A4GALT: variants seen among roughly 807,000 people sequenced by gnomAD.
A4GALT encodes the protein lactosylceramide 4-alpha-galactosyltransferase.
For missense variants in A4GALT, 512 were observed against 486.0 expected (o/e 1.05, Z -0.50); for synonymous variants, 257 against 220.7 (o/e 1.16, Z -1.46).
chr22:42,697,261 G>A (rs1390481059), intron 1 of A4GALT, among the ~76,000 whole-genome samples: 1 of 79,406 alleles, frequency 1.3e-5, no homozygotes, highest in Non-Finnish European at 2.8e-5. Context: ...TGTGTAGATC[G>A]CTGTGTGACC....
Position 42,703,106 on chromosome 22 carries a change from C to CTGTGTGTGTGTGTGTGTGTGTGTGTGTG in A4GALT, c.-187-7503_-187-7476dup, listed in dbSNP as rs3985930. 4.7e-3 allele frequency among the ~76,000 whole-genome samples: 627 copies of CTGTGTGTGTGTGTGTGTGTGTGTGTGTG among 134,032 alleles called. 13 individuals carry two copies. The highest frequency in any genetic ancestry group is 0.018 in the African/African-American group (575 of 31,722). The allele number at this position is 134,032 out of a possible 152,430, so 87.9% of individuals were successfully genotyped here. On this transcript the variant is annotated intron_variant, in intron 1 of 2. Coordinates refer to ENST00000642412, the MANE Select transcript of A4GALT (RefSeq NM_017436.7). ...GTGTGAGAGAGAGCATGCTGCCCCA[C>CTGTGTGTGTGTGTGTGTGTGTGTGTGTG]TGTGTGTGTGTGTGTGTGTGTGTGT... is the stretch of plus-strand genomic sequence containing the variant.
chr22:42,692,586 T>C lies in A4GALT; in HGVS notation c.*304A>G. The C allele has an allele frequency of 1.9e-6, 1 of 526,788 alleles. No individual in the cohort carries two copies. The highest frequency in any genetic ancestry group is 3.7e-6 in the Non-Finnish European group (1 of 272,568). The allele number at this position is 526,788 out of a possible 1,614,324, so 32.6% of individuals were successfully genotyped here. A position where few individuals can be genotyped will look rare whatever the true frequency, so the allele number is the denominator to read the frequency against. ...GCACCTCTGTCCCAACTGCCTGGCT[T>C]TCCGCACCACCTGGGGGTGCCCTGA... On this transcript the variant is annotated 3_prime_UTR_variant, in exon 3 of 3. Transcript: ENST00000642412. This position sits in a 1 kb window ranked among gnomAD's most constrained non-coding sequence, Gnocchi z 4.6.
chr22:42,705,327 G>A (rs574127439), intron 1 of A4GALT, among the ~76,000 whole-genome samples: 2 of 152,290 alleles, frequency 1.3e-5, no homozygotes, highest in South Asian at 2.1e-4. Context: ...ACAGCCGGGC[G>A]CAATGGCTCA....
At chr22:42,696,756 G>A (rs1569036497) in intron 1 of A4GALT, among the ~76,000 whole-genome samples, 6 of 151,854 alleles carry the variant, frequency 4.0e-5, no homozygotes, top group Middle Eastern at 3.4e-3. Flanking sequence ...GATCCACTGG[G>A]CCCCATGTGT....
chr22:42,701,441 C>T (rs922854039), intron 1 of A4GALT, among the ~76,000 whole-genome samples: 1 of 152,184 alleles, frequency 6.6e-6, no homozygotes, highest in Admixed American at 6.5e-5. Flanking sequence ...TCCAGAGTCC[C>T]CATGACCCTA....
chr22:42,703,228 T>C (rs1920937379), intron 1 of A4GALT, among the ~76,000 whole-genome samples: 1 of 149,388 alleles, frequency 6.7e-6, no homozygotes, highest in South Asian at 2.1e-4. Context: ...AAATAAGTAG[T>C]GGGCTTTTTT....
rs548187751 is a variant in A4GALT, at chr22:42,694,312, G to A, written c.-46-315C>T. 9.8e-5 allele frequency among the ~76,000 whole-genome samples: 15 copies of A among 152,392 alleles called. No individual in the cohort carries two copies. The Middle Eastern group carries it at 0.01, about 104-fold the overall frequency. On this transcript the variant is annotated intron_variant, in intron 2 of 2. Transcript: ENST00000642412. ...AGGCCCAGGCCAGAGTCTGGTCTGC[G>A]TAAGGACTGTCAGAAGTGATGGCTT...
At chr22:42,705,415 A>G (rs1920991629) in intron 1 of A4GALT, among the ~76,000 whole-genome samples, 1 of 151,548 alleles carries the variant, frequency 6.6e-6, no homozygotes, top group South Asian at 2.1e-4. Context: ...AGCCTGGCCA[A>G]TAAGGGCGAA....
At chr22:42,714,306 A>AAAC (rs1569067753) in intron 1 of A4GALT, among the ~76,000 whole-genome samples, 1 of 145,448 alleles carries the variant, frequency 6.9e-6, no homozygotes, top group African/African-American at 2.7e-5. Context: ...AAAAAAAAAA[A>AAAC]GGCAGGAATG....
chr22:42,715,968 G>A (rs1922141343), intron 1 of A4GALT, among the ~76,000 whole-genome samples: 1 of 152,026 alleles, frequency 6.6e-6, no homozygotes, highest in African/African-American at 2.4e-5. Context: ...GAGTAGGTGG[G>A]ATTACAGGAA....
intron 1 of A4GALT, among the ~76,000 whole-genome samples, chr22:42,696,121 C>CAAAAA (rs1296048741): frequency 1.1e-3 from 60 of 53,902 alleles, no homozygotes; most frequent in African/African-American, 4.7e-3. Flanking sequence ...GACTCTATCT[C>CAAAAA]AAAAAAAAAA....
intron 1 of A4GALT, among the ~76,000 whole-genome samples, chr22:42,719,646 A>G (rs756728833): frequency 4.6e-5 from 7 of 152,092 alleles, no homozygotes; most frequent in Non-Finnish European, 1.0e-4. Flanking sequence ...GCTGTGGGAA[A>G]TCTTGAGGGA....
intron 1 of A4GALT, among the ~76,000 whole-genome samples, chr22:42,698,747 GTAAGGCATTC>G (rs1931104275): frequency 6.6e-6 from 1 of 152,174 alleles, no homozygotes; most frequent in African/African-American, 2.4e-5. Context: ...TCCCAGACGG[GTAAGGCATTC>G]TAAGTCACAG....
intron 1 of A4GALT, among the ~76,000 whole-genome samples, chr22:42,707,394 G>T (rs557708623): frequency 6.6e-6 from 1 of 152,244 alleles, no homozygotes; most frequent in African/African-American, 2.4e-5. Flanking sequence ...GGTGGCTCAT[G>T]CCTGTAATCC....
intron 1 of A4GALT, among the ~76,000 whole-genome samples, chr22:42,703,929 G>A (rs1602005315): frequency 1.3e-5 from 2 of 152,096 alleles, no homozygotes; most frequent in African/African-American, 2.4e-5. Context: ...ATTTGGCAAC[G>A]TGACCTTGGA....
chr22:42,709,067 A>ATATATATATATATTTTTTT (rs1180529043), intron 1 of A4GALT, among the ~76,000 whole-genome samples: 332 of 128,682 alleles, frequency 2.6e-3, no homozygotes, highest in South Asian at 4.9e-3. Flanking sequence ...ATATATATAT[A>ATATATATATATATTTTTTT]TTTTTTTTAA....
At chr22:42,703,106 C>CTGTGTGTGTGTGTGTGTGTG (rs3985930) in intron 1 of A4GALT, among the ~76,000 whole-genome samples, 1,654 of 134,004 alleles carry the variant, frequency 0.012, 48 homozygotes, top group African/African-American at 0.033. Flanking sequence ...TGCTGCCCCA[C>CTGTGTGTGTGTGTGTGTGTG]TGTGTGTGTG....
chr22:42,701,943 A>T (rs1175248607), intron 1 of A4GALT, among the ~76,000 whole-genome samples: 1 of 152,198 alleles, frequency 6.6e-6, no homozygotes, highest in Non-Finnish European at 1.5e-5. Context: ...ACAAGAGGAA[A>T]GGATAGCCCA....
chr22:42,693,412 G>A lies in A4GALT; in HGVS notation c.540C>T (p.Ile180=). 1 of 1,613,372 alleles carries A rather than the reference G, an allele frequency of 6.2e-7. No individual in the cohort carries two copies. Among genetic ancestry groups the A allele is most frequent in the Non-Finnish European group, 8.5e-7 (1 of 1,180,000 alleles). The change falls in exon 3 of 3, where the codon ATC becomes ATT. Residue 180 remains isoleucine, a synonymous_variant. Coordinates refer to ENST00000642412, the MANE Select transcript of A4GALT (RefSeq NM_017436.7). ...LLPVLSDASR[I]ALMWKFGGIY... is the part of the protein sequence containing the mutation. ...TGCCGCCGAACTTCCACATGAGTGC[G>A]ATCCTGGAGGCGTCGGAGAGCACGG...
Sources: gnomAD v4.1 joint callset for allele counts (sites outside exome capture counted in the v4.1 genomes callset) on GRCh38, gnomAD v4.1.1 for gene constraint, Gnocchi (gnomAD v3.1) non-coding constraint, MANE v1.5 for transcripts, NCBI Gene and HGNC (gene_info 2026-07-23, HGNC 2026-07-21) for gene names.